The following SEMA3A variants were observed in gnomAD, a reference collection of about 807,000 sequenced individuals.
The protein encoded by SEMA3A is semaphorin-3A.
Under a neutral mutation model 97.9 loss-of-function variants are expected in SEMA3A, and 29 were observed. That is an observed-to-expected ratio of 0.30 (90% confidence interval 0.22 to 0.40). SEMA3A has a LOEUF of 0.40. Among genes scored for constraint, SEMA3A ranks in the 10% least tolerant of loss-of-function variants. The probability of loss-of-function intolerance (pLI) is 1.00; values close to 1 mark genes in which losing one functional copy is unlikely to be tolerated. For synonymous variants in SEMA3A, 321 were observed against 323.7 expected, an observed-to-expected ratio of 0.99 and a Z score of 0.09; for missense variants, 763 against 951.3, an observed-to-expected ratio of 0.80 and a Z score of 2.60.
intron 1 of SEMA3A, among the ~76,000 whole-genome samples, chr7:84,421,333 G>A (rs1250207736): frequency 6.6e-6 from 1 of 152,014 alleles, no homozygotes; most frequent in Non-Finnish European, 1.5e-5. Flanking sequence ...AAAGTTGTGA[G>A]AGTTTGCCAT....
chr7:84,186,204 G>T (rs12707624), intron 1 of SEMA3A, among the ~76,000 whole-genome samples: 9,572 of 152,136 alleles, frequency 0.063, 348 homozygotes, highest in African/African-American at 0.092. Context: ...TTGGGTCCTA[G>T]TTTAAAAAGC....
At chr7:84,155,316 A>G (rs1796809263) in intron 1 of SEMA3A, among the ~76,000 whole-genome samples, 1 of 152,082 alleles carries the variant, frequency 6.6e-6, no homozygotes, top group Non-Finnish European at 1.5e-5. Context: ...GAATTTTCAT[A>G]TTTTTAAAAA....
chr7:84,328,622 C>T (rs187929554), intron 2 of SEMA3A, among the ~76,000 whole-genome samples: 4 of 152,072 alleles, frequency 2.6e-5, no homozygotes, highest in African/African-American at 9.6e-5. Flanking sequence ...ATTTCGACAA[C>T]CTATGGTAAA....
intron 5 of SEMA3A, among the ~76,000 whole-genome samples, chr7:84,055,821 G>A (rs1562738458): frequency 6.6e-6 from 1 of 152,128 alleles, no homozygotes; most frequent in Non-Finnish European, 1.5e-5. Flanking sequence ...TAGTGTATTA[G>A]TTAAATGTTA....
At chr7:84,086,491 C>T (rs950450103) in intron 4 of SEMA3A, among the ~76,000 whole-genome samples, 6 of 54,452 alleles carry the variant, frequency 1.1e-4, no homozygotes, top group Admixed American at 8.5e-4. Context: ...ATTATATTTA[C>T]ATATAATATA....
At chr7:84,186,132 G>C (rs1236496247) in intron 1 of SEMA3A, among the ~76,000 whole-genome samples, 1 of 152,156 alleles carries the variant, frequency 6.6e-6, no homozygotes, top group Non-Finnish European at 1.5e-5. Context: ...TGATACAGTA[G>C]TCACCACTCT....
chr7:84,176,442 C>T (rs1250314979), intron 1 of SEMA3A, among the ~76,000 whole-genome samples: 1 of 152,062 alleles, frequency 6.6e-6, no homozygotes, highest in East Asian at 1.9e-4. Context: ...TAAAACCTAT[C>T]AGAAATTATT....
At chr7:84,482,363 T>C (rs972280572) in intron 1 of SEMA3A, among the ~76,000 whole-genome samples, 5 of 152,208 alleles carry the variant, frequency 3.3e-5, no homozygotes, top group Admixed American at 1.3e-4. Context: ...AATGGTAAAT[T>C]AGTAGACTCA....
chr7:84,129,241 A>G, intron 2 of SEMA3A, 56 bp from the exon 3 acceptor site: 1 of 1,359,640 alleles, frequency 7.4e-7, no homozygotes, highest in Non-Finnish European at 1.1e-6. Context: ...AAGAGATCCA[A>G]CACCATATAG....
chr7:84,448,411 A>G (rs1451360878), intron 1 of SEMA3A, among the ~76,000 whole-genome samples: 2 of 152,194 alleles, frequency 1.3e-5, no homozygotes, highest in Non-Finnish European at 2.9e-5. Flanking sequence ...AAATTTCACA[A>G]AAAATTATTA....
chr7:84,210,430 T>C (rs978299036), intron 3 of SEMA3A, among the ~76,000 whole-genome samples: 1 of 151,888 alleles, frequency 6.6e-6, no homozygotes, highest in African/African-American at 2.4e-5. Context: ...AAAAAAGCCA[T>C]AAAATAGGAG....
rs1024696871 is a variant in SEMA3A at position 83,987,795 on chromosome 7, G to C, written c.1453-2318C>G. Among the ~76,000 whole-genome samples the C allele has an allele frequency of 1.2e-3, 180 of 151,348 alleles. 3 individuals carry two copies. The highest frequency in any genetic ancestry group is 3.1e-4 in the Non-Finnish European group (21 of 67,672). ...TAGCCCTCTTATTAAGTCTTTCTTT[G>C]TTTCTTATAGCTTAGCTGGCATTTC... On this transcript the variant is annotated intron_variant, in intron 12 of 16. Coordinates refer to ENST00000265362, the MANE Select transcript of SEMA3A (RefSeq NM_006080.3).
chr7:84,176,296 G>A (rs1211387592), intron 1 of SEMA3A, among the ~76,000 whole-genome samples: 1 of 152,054 alleles, frequency 6.6e-6, no homozygotes, highest in African/African-American at 2.4e-5. Flanking sequence ...TTGAAGAAAA[G>A]GACCAGCAAG....
chr7:84,198,264 C>T (rs762679388), upstream of SEMA3A, among the ~76,000 whole-genome samples: 17 of 151,822 alleles, frequency 1.1e-4, no homozygotes, highest in Non-Finnish European at 2.4e-4. Flanking sequence ...GGCACGATCT[C>T]GACTCACCGC....
intron 16 of SEMA3A, among the ~76,000 whole-genome samples, chr7:83,962,879 G>T (rs1788525648): frequency 6.6e-6 from 1 of 151,320 alleles, no homozygotes; most frequent in African/African-American, 2.4e-5. Context: ...TTAGTAGGAG[G>T]TTTTTTTTTA....
Position 84,463,547 on chromosome 7 carries a change from G to A in SEMA3A, c.-246+28913C>T, listed in dbSNP as rs574492188. Among the ~76,000 whole-genome samples, 125 of 151,840 alleles carry A rather than the reference G, an allele frequency of 8.2e-4. 2 individuals are homozygous for A. Among genetic ancestry groups the A allele is most frequent in the Non-Finnish European group, 1.2e-4 (8 of 67,844 alleles). Reference sequence around the variant, plus strand: ...ACAGGCGTGAGCCACCGCGCCTGGCGTTTTTTTGTAACTATTTAGCTTTGA... The same window carrying A: ...ACAGGCGTGAGCCACCGCGCCTGGCATTTTTTTGTAACTATTTAGCTTTGA... On this transcript the variant is annotated intron_variant, in intron 1 of 3. Transcript: ENST00000424555.
At chr7:84,434,694 G>A (rs1458423671) in intron 1 of SEMA3A, among the ~76,000 whole-genome samples, 1 of 152,104 alleles carries the variant, frequency 6.6e-6, no homozygotes, top group African/African-American at 2.4e-5. Context: ...TGGGATGTAA[G>A]GTTGATTCAA....
At chr7:84,218,423 C>T (rs548376470) in intron 3 of SEMA3A, among the ~76,000 whole-genome samples, 2 of 151,992 alleles carry the variant, frequency 1.3e-5, no homozygotes, top group East Asian at 1.9e-4. Context: ...CTTCTGCATT[C>T]GGATAGATTA....
intron 3 of SEMA3A, among the ~76,000 whole-genome samples, chr7:84,122,283 T>G (rs946498696): frequency 2.6e-5 from 4 of 151,988 alleles, no homozygotes; most frequent in African/African-American, 9.7e-5. Context: ...AACAGACACT[T>G]CTCAAAAGAA....
Sources: gnomAD v4.1 joint callset for allele counts (sites outside exome capture counted in the v4.1 genomes callset) on GRCh38, gnomAD v4.1.1 for gene constraint, MANE v1.5 for transcripts, NCBI Gene and HGNC (gene_info 2026-07-23, HGNC 2026-07-21) for gene names.